Variants in ABCD2 observed in about 807,000 individuals in gnomAD.
The protein encoded by ABCD2 is ATP-binding cassette sub-family D member 2.
Under a neutral mutation model 70.9 loss-of-function variants are expected in ABCD2, and 36 were observed. That is an observed-to-expected ratio of 0.51 (90% CI 0.39 to 0.67). ABCD2 has a LOEUF of 0.67. Ranked by LOEUF, ABCD2 falls within the 30% of genes least tolerant of loss-of-function variation. The pLI, the probability that ABCD2 is intolerant of heterozygous loss-of-function variation, is 0.00. For synonymous variants in ABCD2, 304 were observed against 306.9 expected (o/e 0.99, Z 0.10); for missense variants, 729 against 890.2 (o/e 0.82, Z 2.30).
At chr12:39,576,059 G>C (rs1591978159) in intron 8 of ABCD2, among the ~76,000 whole-genome samples, 1 of 152,112 alleles carries the variant, frequency 6.6e-6, no homozygotes, top group Non-Finnish European at 1.5e-5. Context: ...TTCTATGCTG[G>C]TGATCATATT....
At chr12:39,608,011 T>C (rs1386206091) in intron 2 of ABCD2, among the ~76,000 whole-genome samples, 4 of 151,936 alleles carry the variant, frequency 2.6e-5, no homozygotes, top group Non-Finnish European at 4.4e-5. Flanking sequence ...CTACTAAAAT[T>C]ACAAAAATAA....
At chr12:39,556,980 C>T (rs1381114742) in intron 9 of ABCD2, among the ~76,000 whole-genome samples, 1 of 128,406 alleles carries the variant, frequency 7.8e-6, no homozygotes, top group Non-Finnish European at 1.6e-5. Context: ...GAGACTCTGT[C>T]TCAAAAAAAA....
rs116042225 is a variant in ABCD2 at position 39,584,081 on chromosome 12, A to G, written c.1792+2071T>C. Reference sequence around the variant, plus strand: ...TGGGTGAAATGGTAGTTCTGTTTTTAGCTCTTTGAGGAATTGCCACACTGT... The same window carrying G: ...TGGGTGAAATGGTAGTTCTGTTTTTGGCTCTTTGAGGAATTGCCACACTGT... On this transcript the variant is annotated intron_variant, in intron 7 of 9. Transcript: ENST00000308666. Among the ~76,000 whole-genome samples the G allele has an allele frequency of 5.0e-3, 766 of 152,292 alleles. 4 individuals are homozygous for G. The highest frequency in any genetic ancestry group is 0.017 in the African/African-American group (714 of 41,570).
intron 9 of ABCD2, among the ~76,000 whole-genome samples, chr12:39,562,907 A>C (rs1941281498): frequency 6.6e-6 from 1 of 152,212 alleles, no homozygotes; most frequent in Non-Finnish European, 1.5e-5. Context: ...AGGTGCAAAA[A>C]TCATCAACAA....
chr12:39,604,344 G>GA (rs886987664), intron 4 of ABCD2, among the ~76,000 whole-genome samples: 4 of 150,968 alleles, frequency 2.6e-5, no homozygotes, highest in African/African-American at 4.9e-5. Context: ...ATATCCTATA[G>GA]AAAAAAAACC....
chr12:39,616,070 A>G (rs146555486), intron 2 of ABCD2, among the ~76,000 whole-genome samples: 318 of 152,230 alleles, frequency 2.1e-3, no homozygotes, highest in African/African-American at 6.8e-3. Context: ...CTCTAATTAA[A>G]CAGACTAAGA....
At chr12:39,548,090 T>C (rs1249177548), downstream of ABCD2, among the ~76,000 whole-genome samples, 1 of 152,116 alleles carries the variant, frequency 6.6e-6, no homozygotes, top group Non-Finnish European at 1.5e-5. Context: ...GCTAGAGATA[T>C]GCAGTATGAT....
intron 9 of ABCD2, among the ~76,000 whole-genome samples, chr12:39,569,759 T>C (rs1396969474): frequency 6.6e-6 from 1 of 152,218 alleles, no homozygotes; most frequent in Non-Finnish European, 1.5e-5. Context: ...TATTCAGCCC[T>C]CTTGGCTCCA....
intron 6 of ABCD2, 117 bp from the exon 7 acceptor site, chr12:39,586,414 G>A (rs1419923416): frequency 3.0e-6 from 3 of 1,015,806 alleles, no homozygotes; most frequent in Non-Finnish European, 4.2e-6. Flanking sequence ...TTTCCAGGAT[G>A]ATATTTGTTA....
chr12:39,534,762 G>GAAAGAA, the ABCD2 span, among the ~76,000 whole-genome samples: 1 of 12,508 alleles, frequency 8.0e-5, no homozygotes, highest in African/African-American at 1.8e-4. Context: ...GAAAGAAAGA[G>GAAAGAA]AAAGAAAGAA....
intron 8 of ABCD2, among the ~76,000 whole-genome samples, chr12:39,577,076 A>G (rs1301461045): frequency 6.6e-6 from 1 of 152,088 alleles, no homozygotes; most frequent in African/African-American, 2.4e-5. Flanking sequence ...TGGGAAAAAA[A>G]AATCCCAAAA....
At chr12:39,547,006 T>C (rs1941031605), downstream of ABCD2, among the ~76,000 whole-genome samples, 1 of 152,008 alleles carries the variant, frequency 6.6e-6, no homozygotes, top group African/African-American at 2.4e-5. Context: ...AAGTTTTAAT[T>C]AAAAAATTTT....
chr12:39,619,589 A>G lies in ABCD2; in HGVS notation c.27T>C (p.Ala9=). The G allele has an allele frequency of 6.2e-7, 1 of 1,610,282 alleles. No homozygotes were observed. The highest frequency in any genetic ancestry group is 8.5e-7 in the Non-Finnish European group (1 of 1,179,906). The stretch of plus-strand genomic sequence containing the variant: ...TCGATCTGGTCCATTTCACTCGATC[A>G]GCTGCTGCATTTAGCATATGTGTCA... MTHMLNAA[A]DRVKWTRSSA... is the part of the protein sequence containing the mutation. The change falls in exon 1 of 10, where the codon GCT becomes GCC. Residue 9 remains alanine, a synonymous_variant. Transcript: ENST00000308666.
chr12:39,557,533 A>G (rs1473719683), intron 9 of ABCD2, among the ~76,000 whole-genome samples: 2 of 152,222 alleles, frequency 1.3e-5, no homozygotes, highest in African/African-American at 4.8e-5. Context: ...TGCATAAGTA[A>G]TGAGGAACCA....
intron 9 of ABCD2, among the ~76,000 whole-genome samples, chr12:39,565,304 T>C (rs1941327253): frequency 1.3e-5 from 2 of 152,308 alleles, no homozygotes; most frequent in Middle Eastern, 6.8e-3. Context: ...TTTTATTTCA[T>C]TGAGCAGTGG....
At chr12:39,538,167 C>G in the ABCD2 span, among the ~76,000 whole-genome samples, 1 of 142,824 alleles carries the variant, frequency 7.0e-6, no homozygotes, top group Non-Finnish European at 1.5e-5. Context: ...CATTTTCTTT[C>G]TTTCTTTTTT....
intron 8 of ABCD2, among the ~76,000 whole-genome samples, chr12:39,578,700 T>C (rs1941555041): frequency 6.6e-6 from 1 of 151,648 alleles, no homozygotes; most frequent in Non-Finnish European, 1.5e-5. Flanking sequence ...TCAGAAGCAA[T>C]TATTTCCTGC....
At chr12:39,618,590 A>G in intron 1 of ABCD2, 87 bp downstream of exon 1, 1 of 1,236,376 alleles carries the variant, frequency 8.1e-7, no homozygotes, top group Non-Finnish European at 1.1e-6. Context: ...AAGTGGGTCC[A>G]TCGACAGGAC....
intron 5 of ABCD2, among the ~76,000 whole-genome samples, chr12:39,603,378 T>C (rs1397845328): frequency 6.6e-6 from 1 of 152,076 alleles, no homozygotes; most frequent in African/African-American, 2.4e-5. Flanking sequence ...TTAGTTTTTG[T>C]AATTAATACA....
Sources: allele counts gnomAD v4.1 joint callset (sites outside exome capture counted in the v4.1 genomes callset), GRCh38; gene constraint gnomAD v4.1.1; transcripts MANE v1.5; gene names NCBI Gene and HGNC (gene_info 2026-07-23, HGNC 2026-07-21).